TREML2: variants seen among roughly 807,000 people sequenced by gnomAD.
TREML2 encodes the protein triggering receptor expressed on myeloid cells like 2, also known as trem-like transcript 2 protein.
In TREML2, 24 loss-of-function variants were observed where a neutral mutation model predicts 25.9. The observed-to-expected ratio is 0.93, with a 90% CI of 0.67 to 1.30. TREML2 has a LOEUF of 1.30. Among genes scored for constraint, TREML2 ranks in the 50% most tolerant of loss-of-function variants. TREML2 has a pLI of 0.00. For missense variants in TREML2, 359 were observed against 395.6 expected (o/e 0.91, Z 0.78); for synonymous variants, 139 against 155.2 (o/e 0.90, Z 0.77).
In TREML2 at chr6:41,192,379, C is replaced by A; in HGVS notation, c.*48G>T. 1 of 1,502,806 alleles carries A rather than the reference C, an allele frequency of 6.7e-7. No homozygotes were observed. The highest frequency in any genetic ancestry group is 1.1e-5 in the South Asian group (1 of 87,700). The allele number at this position is 1,502,806 out of a possible 1,614,324, so 93.1% of individuals were successfully genotyped here. A position where few individuals can be genotyped will look rare whatever the true frequency, so the allele number is the denominator to read the frequency against. On this transcript the variant is annotated 3_prime_UTR_variant, in exon 5 of 5. Coordinates refer to ENST00000483722, the MANE Select transcript of TREML2 (RefSeq NM_024807.4). ...CCCAATCTTCACCCCTCCTCTAACCCCCTGGGGCCACTCTGGGAGAAGCTC... is the reference window on the plus strand; with the variant it reads ...CCCAATCTTCACCCCTCCTCTAACCACCTGGGGCCACTCTGGGAGAAGCTC...
chr6:41,198,953 C>A (rs1766227300), intron 1 of TREML2, among the ~76,000 whole-genome samples: 1 of 152,224 alleles, frequency 6.6e-6, no homozygotes, highest in Non-Finnish European at 1.5e-5. Flanking sequence ...ACCTCCGCCT[C>A]CTGGGTTCAA....
At chr6:41,195,708 C>T (rs994759808) in intron 2 of TREML2, among the ~76,000 whole-genome samples, 1 of 152,224 alleles carries the variant, frequency 6.6e-6, no homozygotes. Flanking sequence ...CCCCAAAGAA[C>T]TCTTCAGAGA....
At chr6:41,200,127 C>A (rs2113910580) in intron 1 of TREML2, among the ~76,000 whole-genome samples, 1 of 152,372 alleles carries the variant, frequency 6.6e-6, no homozygotes, top group African/African-American at 2.4e-5. Context: ...GCCACTAGAG[C>A]TGAGGCTCTG....
rs1766031009 is a variant in TREML2 at position 41,190,398 on chromosome 6, G to A, written c.*2029C>T. On this transcript the variant is annotated 3_prime_UTR_variant, in exon 5 of 5. Coordinates refer to ENST00000483722, the MANE Select transcript of TREML2 (RefSeq NM_024807.4). The stretch of plus-strand genomic sequence containing the variant: ...TTGGGAAGAGATATGACAAAAGCAA[G>A]AAACAGAATCCTAAGGTCTTAAATG... The A allele has an allele frequency of 6.6e-6, 1 of 152,262 alleles. No individual in the cohort carries two copies. The highest frequency in any genetic ancestry group is 2.1e-4 in the South Asian group (1 of 4,820). The allele number at this position is 152,262 out of a possible 1,614,324, so 9.4% of individuals were successfully genotyped here. A position where few individuals can be genotyped will look rare whatever the true frequency, so the allele number is the denominator to read the frequency against.
chr6:41,198,767 C>T (rs971755160), intron 1 of TREML2, among the ~76,000 whole-genome samples: 2 of 152,246 alleles, frequency 1.3e-5, no homozygotes, highest in Non-Finnish European at 2.9e-5. Context: ...CCATCAGACA[C>T]AGCCCCTTTC....
At chr6:41,195,202 C>T (rs1335000350) in intron 2 of TREML2, among the ~76,000 whole-genome samples, 1 of 152,192 alleles carries the variant, frequency 6.6e-6, no homozygotes, top group Non-Finnish European at 1.5e-5. Context: ...ACTTTTCCAG[C>T]TATTCCATAA....
chr6:41,198,510 G>A (rs1194506483), intron 1 of TREML2, 81 bp from the exon 2 acceptor site: 16 of 1,392,404 alleles, frequency 1.1e-5, no homozygotes, highest in Middle Eastern at 4.2e-4. Flanking sequence ...TCATGGTGAA[G>A]GGTAGAGTGG....
chr6:41,198,356 A>G lies in TREML2; in HGVS notation c.129T>C (p.Tyr43=). ...EGETLSVQCS[Y]KGYKNRVEGK... ...CCTCCACGCGGTTTTTGTAGCCCTT[A>G]TAGGAGCACTGCACAGACAGAGTCT... The change falls in exon 2 of 5, where the codon TAT becomes TAC. Residue 43 remains tyrosine, a synonymous_variant. Coordinates refer to ENST00000483722, the MANE Select transcript of TREML2 (RefSeq NM_024807.4). 6.2e-7 allele frequency: 1 copy of G among 1,614,202 alleles called. No homozygotes were observed. Among genetic ancestry groups the G allele is most frequent in the South Asian group, 1.1e-5 (1 of 91,086 alleles).
In TREML2 at chr6:41,194,507, G is replaced by A. The variant is rs768840352; in HGVS notation, c.703C>T (p.Leu235Phe). The change falls in exon 3 of 5, where the codon CTC becomes TTC. Residue 235 changes from leucine to phenylalanine, a missense_variant. Physicochemically the swap from Leu to Phe is conservative, Grantham distance 22 (BLOSUM62 0). Coordinates refer to ENST00000483722, the MANE Select transcript of TREML2 (RefSeq NM_024807.4). ...CCTGTGGTGGGCGATCTGGTGCTGA[G>A]GTCCCCAGACTTAGTGGAGATGGAT... ...PESISTKSGD[L>F]STRSPTTGLC... 1 of 1,613,730 alleles carries A rather than the reference G, an allele frequency of 6.2e-7. No homozygotes were observed. Among genetic ancestry groups the A allele is most frequent in the Non-Finnish European group, 8.5e-7 (1 of 1,179,894 alleles).
intron 2 of TREML2, 147 bp downstream of exon 2, chr6:41,197,962 A>G (rs1766200059): frequency 1.3e-6 from 1 of 743,360 alleles, no homozygotes; most frequent in Non-Finnish European, 2.1e-6. Context: ...CAATAGTGCC[A>G]CGAATAGTGC....
Position 41,198,363 on chromosome 6 carries a change from C to T in TREML2, c.122G>A (p.Cys41Tyr). ...LLEGETLSVQ[C>Y]SYKGYKNRVE... ...GCGGTTTTTGTAGCCCTTATAGGAG[C>T]ACTGCACAGACAGAGTCTCCCCTTC... The change falls in exon 2 of 5, where the codon TGC becomes TAC. Residue 41 changes from cysteine to tyrosine, a missense_variant. Physicochemically the swap from Cys to Tyr is radical, Grantham distance 194. Transcript: ENST00000483722. The T allele has an allele frequency of 6.2e-7, 1 of 1,614,236 alleles. No homozygotes were observed. Among genetic ancestry groups the T allele is most frequent in the Non-Finnish European group, 8.5e-7 (1 of 1,180,032 alleles).
intron 2 of TREML2, among the ~76,000 whole-genome samples, chr6:41,195,146 G>C (rs193150081): frequency 6.6e-6 from 1 of 151,916 alleles, no homozygotes; most frequent in Non-Finnish European, 1.5e-5. Context: ...GGCCCTCTTC[G>C]TTCCTATGGG....
In TREML2 at chr6:41,189,848, G is replaced by T. The variant is rs1308854044; in HGVS notation, c.*2579C>A. Among the ~76,000 whole-genome samples the T allele has an allele frequency of 6.6e-6, 1 of 152,190 alleles. No homozygotes were observed. The highest frequency in any genetic ancestry group is 6.5e-5 in the Admixed American group (1 of 15,282). Reference sequence around the variant, plus strand: ...GCCATTTTTACAGTTGAATGTAAAGGCTTTTATAAGAAACCGATGAGGACT... The same window carrying T: ...GCCATTTTTACAGTTGAATGTAAAGTCTTTTATAAGAAACCGATGAGGACT... On this transcript the variant is annotated 3_prime_UTR_variant, in exon 5 of 5. Transcript: ENST00000483722.
At position 41,201,009 on chromosome 6, in the gene TREML2, G is replaced by A; in HGVS notation, c.-1C>T. On this transcript the variant is annotated 5_prime_UTR_variant, in exon 1 of 5. Transcript: ENST00000483722. ...GCAGCAGCAGGAAGGCTGGGGCCAT[G>A]GTTCCATCCAGCTGGGCAGTGTCAG... 1 of 1,607,794 alleles carries A rather than the reference G, an allele frequency of 6.2e-7. No homozygotes were observed. Among genetic ancestry groups the A allele is most frequent in the Non-Finnish European group, 8.5e-7 (1 of 1,176,650 alleles).
chr6:41,199,352 A>T (rs1357522484), intron 1 of TREML2, among the ~76,000 whole-genome samples: 13 of 152,380 alleles, frequency 8.5e-5, no homozygotes, highest in South Asian at 4.1e-4. Flanking sequence ...CTCTTTAAAT[A>T]ATAACTCTCC....
chr6:41,194,810 G>C lies in TREML2; in HGVS notation c.400C>G (p.Pro134Ala). The stretch of plus-strand genomic sequence containing the variant: ...AGGATGTTGTCCAGATGTGTGAAAG[G>C]AATGTTCCTCTCAGTTTGGGGAGCT... ...SPAPQTERNI[P>A]FTHLDNILKS... The change falls in exon 3 of 5, where the codon CCT becomes GCT. Residue 134 changes from proline to alanine, a missense_variant. By Grantham distance (27) the Pro-to-Ala change is conservative (BLOSUM62 -1). Coordinates refer to ENST00000483722, the MANE Select transcript of TREML2 (RefSeq NM_024807.4). 1 of 1,575,368 alleles carries C rather than the reference G, an allele frequency of 6.3e-7. No homozygotes were observed.
At chr6:41,192,730 CGAG>C (rs1766089900) in intron 4 of TREML2, 68 bp downstream of exon 4, 1 of 1,405,506 alleles carries the variant, frequency 7.1e-7, no homozygotes. Flanking sequence ...CGTGGGGACT[CGAG>C]GTCATAACCC....
At chr6:41,195,240 C>A (rs541992535) in intron 2 of TREML2, among the ~76,000 whole-genome samples, 172 of 152,256 alleles carry the variant, frequency 1.1e-3, no homozygotes, top group Non-Finnish European at 1.8e-3. Context: ...GAGATGAGGA[C>A]AAGGAGGCAT....
chr6:41,195,175 A>C (rs1766140150), intron 2 of TREML2, among the ~76,000 whole-genome samples: 1 of 152,188 alleles, frequency 6.6e-6, no homozygotes, highest in Non-Finnish European at 1.5e-5. Context: ...ATTTCCATAA[A>C]ATAATGTCAA....
Sources: allele counts gnomAD v4.1 joint callset (sites outside exome capture counted in the v4.1 genomes callset), GRCh38; gene constraint gnomAD v4.1.1; transcripts MANE v1.5; gene names NCBI Gene and HGNC (gene_info 2026-07-23, HGNC 2026-07-21).